The following NUP214 variants were observed in gnomAD, a reference collection of about 807,000 sequenced individuals.
The protein encoded by NUP214 is nuclear pore complex protein Nup214.
Under a neutral mutation model 196.2 loss-of-function variants are expected in NUP214, and 79 were observed. The observed-to-expected ratio is 0.40, with a 90% CI of 0.34 to 0.49. The LOEUF is 0.49. NUP214 is among the 20% of genes least tolerant of loss of function. The pLI is 0.58. For missense variants in NUP214, 2,468 were observed against 2,539.0 expected (o/e 0.97, Z 0.60); for synonymous variants, 1,020 against 990.5 (o/e 1.03, Z -0.56).
Position 131,144,740 on chromosome 9 carries a change from C to G in NUP214, c.1755C>G (p.Val585=). ...SFPPSTSAVK[V]NLSEKFTAAA... ...CACCCTCAACCTCTGCTGTCAAAGT[C>G]AACCTTAGTGAAAAGTAAGTCACTT... Residue 585 remains valine (V), a synonymous_variant, in exon 12 of 36, where the codon GTC becomes GTG. Coordinates refer to ENST00000359428, the MANE Select transcript of NUP214 (RefSeq NM_005085.4). 6.2e-7 allele frequency: 1 copy of G among 1,602,998 alleles called. No individual in the cohort carries two copies. The highest frequency in any genetic ancestry group is 8.5e-7 in the Non-Finnish European group (1 of 1,174,836).
In NUP214 at chr9:131,175,396, A is replaced by G. The variant is rs1413901104; in HGVS notation, c.3158-64A>G. The G allele has an allele frequency of 8.2e-6, 13 of 1,577,848 alleles. No individual in the cohort carries two copies. In the South Asian group the frequency reaches 1.4e-4, roughly 17 times the overall value. ...GCAGTCGAACATAAAGAATTTACCA[A>G]TTTAACCTTTTGTATTTTCCTGTTC... is the stretch of plus-strand genomic sequence containing the variant. On this transcript the variant is annotated intron_variant, in intron 22 of 35. Transcript: ENST00000359428.
intron 17 of NUP214, among the ~76,000 whole-genome samples, chr9:131,157,990 C>T (rs1266534611): frequency 6.6e-6 from 1 of 152,180 alleles, no homozygotes; most frequent in African/African-American, 2.4e-5. Context: ...ACCATGTTGG[C>T]CAGGCTGGTC....
intron 23 of NUP214, 38 bp downstream of exon 23, chr9:131,175,659 T>A: frequency 1.9e-6 from 3 of 1,598,120 alleles, no homozygotes; most frequent in Non-Finnish European, 2.6e-6. Flanking sequence ...AGAGGCTGAT[T>A]ATGAGCTGTC....
At chr9:131,163,200 A>G in intron 19 of NUP214, 27 bp downstream of exon 19, 1 of 1,580,518 alleles carries the variant, frequency 6.3e-7, no homozygotes, top group Non-Finnish European at 8.6e-7. Context: ...CACTCAATAA[A>G]TATGGGTGAA....
rs751509859 is a variant in NUP214 at position 131,140,536 on chromosome 9, T to C, written c.1133-13T>C. ...TCACTTGGTTTTTTTATTTTTGTTT[T>C]CTTTTTTAACAGGTGATGAAAAGAC... On this transcript the variant is annotated splice_polypyrimidine_tract_variant and intron_variant, in intron 10 of 35. Transcript: ENST00000359428. 15 of 1,590,730 alleles carry C rather than the reference T, an allele frequency of 9.4e-6. No individual in the cohort carries two copies. The highest frequency in any genetic ancestry group is 1.3e-5 in the Non-Finnish European group (15 of 1,173,464).
chr9:131,128,899 A>G, intron 3 of NUP214: 1 of 313,124 alleles, frequency 3.2e-6, no homozygotes, highest in Non-Finnish European at 6.1e-6. Context: ...AGCCTTATGT[A>G]GTAGGTACTA....
In NUP214 at chr9:131,127,704, G is replaced by T; in HGVS notation, c.226G>T (p.Asp76Tyr). Residue 76 changes from aspartate to tyrosine, a missense_variant, in exon 2 of 36, where the codon GAT (aspartate) becomes TAT (tyrosine). Around this residue, in one of 5 missense-constraint regions of NUP214, gnomAD observed 392 missense variants for 417.9 expected, o/e 0.94. Coordinates refer to ENST00000359428, the MANE Select transcript of NUP214 (RefSeq NM_005085.4). ...TCTTATTCAAAATAAACCCGGAGAT[G>T]ATCCCAACAAAATAGGTAAGTTCCC... is the stretch of plus-strand genomic sequence containing the variant. ...NLLIQNKPGD[D>Y]PNKIVDKVQG... 1 of 1,613,508 alleles carries T rather than the reference G, an allele frequency of 6.2e-7. No homozygotes were observed. Among genetic ancestry groups the T allele is most frequent in the South Asian group, 1.1e-5 (1 of 91,028 alleles).
Position 131,146,044 on chromosome 9 carries a change from G to A in NUP214, c.1770-85G>A, listed in dbSNP as rs1832078585. ...TGTAAGTTAACATAAAAGATAATAAGTTATCTTTTGATGACATTGCTCATG... is the reference window on the plus strand; with the variant it reads ...TGTAAGTTAACATAAAAGATAATAAATTATCTTTTGATGACATTGCTCATG... On this transcript the variant is annotated intron_variant, in intron 12 of 35. Transcript: ENST00000359428. This position sits in a 1 kb window ranked among gnomAD's most constrained non-coding sequence, Gnocchi z 4.6. The A allele has an allele frequency of 1.6e-6, 2 of 1,235,234 alleles. No homozygotes were observed. The highest frequency in any genetic ancestry group is 1.4e-5 in the South Asian group (1 of 71,996). The allele number at this position is 1,235,234 out of a possible 1,614,324, so 76.5% of individuals were successfully genotyped here.
chr9:131,187,503 C>T (rs971517104), intron 25 of NUP214, 139 bp downstream of exon 25: 3 of 632,306 alleles, frequency 4.7e-6, no homozygotes, highest in African/African-American at 3.7e-5. Context: ...TCTCGTGGCT[C>T]AGCCTCCTGA....
At chr9:131,196,018 C>CTG (rs201639125) in intron 28 of NUP214, among the ~76,000 whole-genome samples, 1 of 25,244 alleles carries the variant, frequency 4.0e-5, no homozygotes, top group Non-Finnish European at 1.3e-4. Flanking sequence ...GAGTGAAACT[C>CTG]TGTGTGTCCC....
chr9:131,156,257 T>C (rs957984994), intron 17 of NUP214, among the ~76,000 whole-genome samples: 11 of 151,156 alleles, frequency 7.3e-5, no homozygotes, highest in African/African-American at 2.2e-4. Flanking sequence ...CTCAGCCTCC[T>C]GAGTAGCTGG....
At chr9:131,219,751 C>G (rs758578562) in intron 31 of NUP214, among the ~76,000 whole-genome samples, 4 of 152,186 alleles carry the variant, frequency 2.6e-5, no homozygotes, top group Non-Finnish European at 5.9e-5. Flanking sequence ...ACATATTTGT[C>G]TCATCAGAAG....
chr9:131,159,839 A>G (rs938149229), intron 18 of NUP214, among the ~76,000 whole-genome samples: 1 of 151,990 alleles, frequency 6.6e-6, no homozygotes, highest in East Asian at 1.9e-4. Flanking sequence ...CCTGGGCAAC[A>G]AGAGCGAAAT....
intron 24 of NUP214, 73 bp downstream of exon 24, chr9:131,178,483 G>A: frequency 4.7e-6 from 5 of 1,066,756 alleles, no homozygotes; most frequent in Non-Finnish European, 7.1e-6. Flanking sequence ...GCAGGGAGCA[G>A]CAGTGCCACT....
chr9:131,164,398 GT>G lies in NUP214; in HGVS notation c.2893+258del, dbSNP rs1329088026. The stretch of plus-strand genomic sequence containing the variant: ...AAGTAGTCGTTTTGGCTTTTACACT[GT>G]TTTCTGCAGTCCTCAAGTTTTATGG... On this transcript the variant is annotated intron_variant, in intron 21 of 35. Transcript: ENST00000359428. The G allele has an allele frequency of 3.2e-5, 15 of 469,946 alleles. 1 individual carries two copies. The highest frequency in any genetic ancestry group is 2.0e-4 in the African/African-American group (10 of 50,938). The allele number at this position is 469,946 out of a possible 1,614,324, so 29.1% of individuals were successfully genotyped here.
chr9:131,227,002 G>A (rs1464552362), intron 32 of NUP214, among the ~76,000 whole-genome samples: 2 of 152,346 alleles, frequency 1.3e-5, no homozygotes, highest in African/African-American at 2.4e-5. Context: ...CCGCTAGCAC[G>A]CAGTTCATAG....
At chr9:131,153,809 A>T (rs1832345272) in intron 17 of NUP214, among the ~76,000 whole-genome samples, 1 of 152,134 alleles carries the variant, frequency 6.6e-6, no homozygotes, top group Non-Finnish European at 1.5e-5. Context: ...CGTACTCAAG[A>T]GTCTGGTTTA....
At chr9:131,195,340 A>G (rs566016424) in intron 28 of NUP214, 46 bp downstream of exon 28, 2 of 1,489,246 alleles carry the variant, frequency 1.3e-6, no homozygotes, top group South Asian at 1.1e-5. Flanking sequence ...TTTTCTCTAA[A>G]TAAGTACAGG....
At position 131,139,458 on chromosome 9, in the gene NUP214, G is replaced by A. The variant is rs1454189812; in HGVS notation, c.1132+51G>A. 2.5e-6 allele frequency: 4 copies of A among 1,582,974 alleles called. No homozygotes were observed. The East Asian group carries it at 9.2e-5, about 36-fold the overall frequency. ...AGAAATAGTCTTCTTTCTAGTTAGG[G>A]TTAATATTGAAACACCAGTTACATG... is the stretch of plus-strand genomic sequence containing the variant. On this transcript the variant is annotated intron_variant, in intron 10 of 35. Transcript: ENST00000359428.
Sources: gnomAD v4.1 joint callset for allele counts (sites outside exome capture counted in the v4.1 genomes callset) on GRCh38, gnomAD v4.1.1 for gene constraint, gnomAD v4.1.1 regional missense constraint, Gnocchi (gnomAD v3.1) non-coding constraint, MANE v1.5 for transcripts, NCBI Gene and HGNC (gene_info 2026-07-23, HGNC 2026-07-21) for gene names.